CD96: variants seen among roughly 807,000 people sequenced by gnomAD.
The protein encoded by CD96 is CD96 molecule, also known as T-cell surface protein tactile.
CD96 carries 70 observed loss-of-function variants against 71.3 expected under a neutral mutation model. The observed-to-expected ratio is 0.98, with a 90% CI of 0.81 to 1.20. The LOEUF (loss-of-function observed/expected upper bound fraction) is 1.20, where lower values mean the gene tolerates loss of function less well. Ranked by LOEUF, CD96 falls within the 50% of genes most tolerant of loss-of-function variation. The probability of loss-of-function intolerance (pLI) is 0.00; values close to 1 mark genes in which losing one functional copy is unlikely to be tolerated. For missense variants in CD96, 742 were observed against 677.5 expected, an observed-to-expected ratio of 1.10 and a Z score of -1.06; for synonymous variants, 248 against 233.0, an observed-to-expected ratio of 1.06 and a Z score of -0.59.
chr3:111,597,339 G>A (rs1311300500), intron 5 of CD96, among the ~76,000 whole-genome samples: 2 of 152,106 alleles, frequency 1.3e-5, no homozygotes, highest in Non-Finnish European at 2.9e-5. Flanking sequence ...AACAAACATA[G>A]CATTGAAAAT....
chr3:111,582,478 A>G (rs1485658330), intron 4 of CD96, among the ~76,000 whole-genome samples: 1 of 152,186 alleles, frequency 6.6e-6, no homozygotes, highest in Non-Finnish European at 1.5e-5. Flanking sequence ...ATTCCCTGAT[A>G]TTTCCTAGTG....
In CD96 at chr3:111,570,132, T is replaced by A. The variant is rs1935909467; in HGVS notation, c.543+2485T>A. Among the ~76,000 whole-genome samples, 3 of 151,878 alleles carry A rather than the reference T, an allele frequency of 2.0e-5. No homozygotes were observed. The South Asian group carries it at 6.2e-4, about 32-fold the overall frequency. On this transcript the variant is annotated intron_variant, in intron 3 of 13. Coordinates refer to ENST00000352690, the MANE Select transcript of CD96 (RefSeq NM_005816.5). ...GGTGCTGGGAAAACCCTGCCTTGGG[T>A]TGGGGAATCCCCTCTCTCCCACCTT...
intron 5 of CD96, among the ~76,000 whole-genome samples, chr3:111,590,974 A>G (rs970467393): frequency 1.3e-5 from 2 of 152,206 alleles, no homozygotes; most frequent in African/African-American, 4.8e-5. Flanking sequence ...AAATTAGGAA[A>G]AAAAATCTAA....
intron 13 of CD96, 21 bp from the exon 14 acceptor site, chr3:111,649,677 A>G (rs759345133): frequency 2.1e-6 from 3 of 1,448,754 alleles, no homozygotes; most frequent in Admixed American, 1.7e-5. Flanking sequence ...TAGCATTGAA[A>G]GACCAATATT....
In CD96 at chr3:111,660,398, C is replaced by T. The variant is rs568496055; in HGVS notation, c.*53-5129C>T. Among the ~76,000 whole-genome samples, 4 of 152,280 alleles carry T rather than the reference C, an allele frequency of 2.6e-5. No homozygotes were observed. The East Asian group carries it at 7.7e-4, about 29-fold the overall frequency. ...AATAAATGGAAAAACATGCCATGCT[C>T]ATAGATTGGAATAATCAATATTTTT... On this transcript the variant is annotated intron_variant and NMD_transcript_variant, in intron 14 of 14. Coordinates refer to the CD96 transcript ENST00000494798.
Position 111,604,157 on chromosome 3 carries a change from G to A in CD96, c.1088-2543G>A, listed in dbSNP as rs117713350. 9.3e-4 allele frequency among the ~76,000 whole-genome samples: 142 copies of A among 152,254 alleles called. 1 individual carries two copies. In the East Asian group the frequency reaches 0.024, roughly 26 times the overall value. ...GTGGATGAGATAAGGGCTTATACAA[G>A]CTCTGAGGAAACCCCGGAATTAAGC... On this transcript the variant is annotated intron_variant, in intron 7 of 13. Coordinates refer to ENST00000352690, the MANE Select transcript of CD96 (RefSeq NM_005816.5).
At chr3:111,555,506 T>G (rs745974226) in intron 2 of CD96, among the ~76,000 whole-genome samples, 115 of 152,324 alleles carry the variant, frequency 7.5e-4, no homozygotes, top group Non-Finnish European at 1.4e-3. Flanking sequence ...TCTCTTTCTT[T>G]TAGCATTTTG....
At chr3:111,590,881 C>T (rs998685874) in intron 5 of CD96, among the ~76,000 whole-genome samples, 5 of 152,152 alleles carry the variant, frequency 3.3e-5, no homozygotes, top group Admixed American at 6.5e-5. Flanking sequence ...GTCTCTCACT[C>T]TTATGCTTGT....
rs908340586 is a variant in CD96, at chr3:111,650,025, A to T, written c.*219A>T. On this transcript the variant is annotated 3_prime_UTR_variant, in exon 14 of 14. Transcript: ENST00000352690. ...AGAGGATATGTCATGTTCACACTCAATGCAATTCGTAGTGGTTTTCTTGCT... is the reference window on the plus strand; with the variant it reads ...AGAGGATATGTCATGTTCACACTCATTGCAATTCGTAGTGGTTTTCTTGCT... 3 of 561,322 alleles carry T rather than the reference A, an allele frequency of 5.3e-6. No individual in the cohort carries two copies. The South Asian group carries it at 5.9e-5, about 11-fold the overall frequency. The allele number at this position is 561,322 out of a possible 1,614,324, so 34.8% of individuals were successfully genotyped here.
chr3:111,579,711 C>T (rs2107586049), intron 4 of CD96, among the ~76,000 whole-genome samples: 1 of 152,138 alleles, frequency 6.6e-6, no homozygotes, highest in East Asian at 1.9e-4. Flanking sequence ...TATAAGGCCA[C>T]CAGTTTCCCT....
chr3:111,579,518 T>G (rs969954595), intron 4 of CD96: 2 of 458,950 alleles, frequency 4.4e-6, no homozygotes, highest in African/African-American at 3.9e-5. Flanking sequence ...CTGAGTAATT[T>G]GTAAAGAAAA....
At position 111,561,951 on chromosome 3, in the gene CD96, G is replaced by T. The variant is rs577365198; in HGVS notation, c.419-5572G>T. 3.3e-5 allele frequency among the ~76,000 whole-genome samples: 5 copies of T among 151,384 alleles called. No homozygotes were observed. The East Asian group carries it at 9.7e-4, about 29-fold the overall frequency. ...AGCCGGTCTGAAAAGCGCAATATTC[G>T]GGTGGGAGTGACCCGATTTTCCAGG... On this transcript the variant is annotated intron_variant, in intron 2 of 13. Transcript: ENST00000352690.
intron 8 of CD96, among the ~76,000 whole-genome samples, chr3:111,607,959 G>A (rs951389315): frequency 2.0e-5 from 3 of 152,098 alleles, no homozygotes; most frequent in African/African-American, 7.2e-5. Context: ...AGTATCCTGT[G>A]TATTAGTTAT....
chr3:111,574,675 G>C (rs1208841016), intron 3 of CD96, among the ~76,000 whole-genome samples: 1 of 151,786 alleles, frequency 6.6e-6, no homozygotes, highest in Non-Finnish European at 1.5e-5. Context: ...TTTCTTTTCT[G>C]TGGCTCCTGA....
At chr3:111,597,389 T>C (rs1937307222) in intron 5 of CD96, among the ~76,000 whole-genome samples, 1 of 152,238 alleles carries the variant, frequency 6.6e-6, no homozygotes, top group Non-Finnish European at 1.5e-5. Flanking sequence ...TCTGCTTTCA[T>C]AATATAGTTA....
At chr3:111,614,639 C>T (rs1336523479) in intron 8 of CD96, among the ~76,000 whole-genome samples, 1 of 152,112 alleles carries the variant, frequency 6.6e-6, no homozygotes, top group Non-Finnish European at 1.5e-5. Flanking sequence ...TCATGGCACC[C>T]TATTATGTCT....
chr3:111,636,689 C>T (rs1158444496), intron 10 of CD96, among the ~76,000 whole-genome samples: 1 of 152,192 alleles, frequency 6.6e-6, no homozygotes, highest in Admixed American at 6.5e-5. Context: ...GGCCTGTGAC[C>T]CCAGGGGTCT....
chr3:111,622,543 C>T (rs115485880), intron 8 of CD96, among the ~76,000 whole-genome samples: 1 of 152,172 alleles, frequency 6.6e-6, no homozygotes, highest in Non-Finnish European at 1.5e-5. Flanking sequence ...GCATTAACCA[C>T]AATGCCAACT....
At chr3:111,547,771 T>C (rs1934487815) in intron 2 of CD96, among the ~76,000 whole-genome samples, 1 of 152,160 alleles carries the variant, frequency 6.6e-6, no homozygotes, top group African/African-American at 2.4e-5. Context: ...CTGGATCAGA[T>C]GAAAAGCAAT....
Sources: allele counts gnomAD v4.1 joint callset (sites outside exome capture counted in the v4.1 genomes callset), GRCh38; gene constraint gnomAD v4.1.1; transcripts MANE v1.5; gene names NCBI Gene and HGNC (gene_info 2026-07-23, HGNC 2026-07-21).